The following UBE4B variants were observed in gnomAD, a reference collection of about 807,000 sequenced individuals.
The protein encoded by UBE4B is ubiquitin conjugation factor E4 B.
UBE4B carries 27 observed loss-of-function variants against 148.1 expected under a neutral mutation model. The observed-to-expected ratio is 0.18, with a 90% CI of 0.13 to 0.25. The LOEUF is 0.25. Among genes scored for constraint, UBE4B ranks in the 10% least tolerant of loss-of-function variants. The pLI is 1.00. For missense variants in UBE4B, 1,170 were observed against 1,662.4 expected, an observed-to-expected ratio of 0.70 and a Z score of 5.15; for synonymous variants, 596 against 619.3, an observed-to-expected ratio of 0.96 and a Z score of 0.56.
chr1:10,111,685 G>A (rs1645224663), intron 7 of UBE4B, among the ~76,000 whole-genome samples: 1 of 152,092 alleles, frequency 6.6e-6, no homozygotes, highest in South Asian at 2.1e-4. Context: ...GGCCAGGCGC[G>A]GTGGCTCACA....
chr1:10,057,791 T>C lies in UBE4B; in HGVS notation c.25-14237T>C, dbSNP rs370515051. ...GTATTTTGCTAGTAATTGCTAGAAG[T>C]TGGCCTTTGTAAGTATTTTGTGCTT... On this transcript the variant is annotated intron_variant, in intron 1 of 27. Coordinates refer to ENST00000343090, the MANE Select transcript of UBE4B (RefSeq NM_001105562.3). 2.6e-5 allele frequency among the ~76,000 whole-genome samples: 4 copies of C among 151,870 alleles called. No homozygotes were observed. The East Asian group carries it at 5.8e-4, about 22-fold the overall frequency.
chr1:10,064,634 A>G (rs1644349686), intron 1 of UBE4B, among the ~76,000 whole-genome samples: 1 of 151,728 alleles, frequency 6.6e-6, no homozygotes, highest in Non-Finnish European at 1.5e-5. Flanking sequence ...TCTCTTTGTC[A>G]CTTCCTTTTC....
intron 2 of UBE4B, among the ~76,000 whole-genome samples, chr1:10,081,878 C>T (rs965287348): frequency 6.6e-6 from 1 of 152,250 alleles, no homozygotes; most frequent in East Asian, 1.9e-4. Context: ...CATGCCCATC[C>T]TAATTTTTAA....
intron 2 of UBE4B, among the ~76,000 whole-genome samples, chr1:10,081,123 C>T (rs1644672615): frequency 6.6e-6 from 1 of 152,134 alleles, no homozygotes; most frequent in Non-Finnish European, 1.5e-5. Context: ...CATACAATGG[C>T]ACGATCTTGG....
In UBE4B at chr1:10,105,632, G is replaced by A; in HGVS notation, c.697G>A (p.Ala233Thr). The A allele has an allele frequency of 6.2e-7, 1 of 1,614,190 alleles. No individual in the cohort carries two copies. Among genetic ancestry groups the A allele is most frequent in the Non-Finnish European group, 8.5e-7 (1 of 1,180,046 alleles). ...ASLTATSQPI[A>T]AAARSPDRNL... ...TCTGACAGCCACATCACAGCCAATTGCTGCAGCAGCACGGTCACCAGACAG... is the reference window on the plus strand; with the variant it reads ...TCTGACAGCCACATCACAGCCAATTACTGCAGCAGCACGGTCACCAGACAG... Residue 233 changes from alanine to threonine, a missense_variant, in exon 6 of 28, where the codon GCT becomes ACT. By Grantham distance (58) the Ala-to-Thr change is moderately conservative (BLOSUM62 0). Around this residue, in one of 6 missense-constraint regions of UBE4B, gnomAD observed 214 missense variants for 209.1 expected, o/e 1.02. Transcript: ENST00000343090.
At chr1:10,143,083 A>C (rs1645809634) in intron 17 of UBE4B, among the ~76,000 whole-genome samples, 1 of 152,128 alleles carries the variant, frequency 6.6e-6, no homozygotes, top group Non-Finnish European at 1.5e-5. Context: ...ACTCCAGGGC[A>C]ACAGAGTGAG....
At chr1:10,034,390 T>C (rs1487787677) in intron 1 of UBE4B, among the ~76,000 whole-genome samples, 1 of 152,168 alleles carries the variant, frequency 6.6e-6, no homozygotes, top group African/African-American at 2.4e-5. Flanking sequence ...AATGACTTTC[T>C]AAACTCTCTC....
intron 15 of UBE4B, among the ~76,000 whole-genome samples, chr1:10,134,778 TC>T (rs1045295043): frequency 5.3e-5 from 8 of 152,094 alleles, no homozygotes; most frequent in Middle Eastern, 3.4e-3. Flanking sequence ...ACACCTGTAA[TC>T]CCAGCACTTT....
chr1:10,093,026 G>C (rs1275942782), intron 2 of UBE4B, among the ~76,000 whole-genome samples: 2 of 152,092 alleles, frequency 1.3e-5, no homozygotes, highest in Non-Finnish European at 2.9e-5. Flanking sequence ...TACAAATGCA[G>C]TATGTTACAC....
At chr1:10,134,639 GAT>G (rs780680366) in intron 15 of UBE4B, among the ~76,000 whole-genome samples, 16 of 152,198 alleles carry the variant, frequency 1.1e-4, no homozygotes, top group Non-Finnish European at 2.1e-4. Context: ...GTGGTGATGA[GAT>G]ATATGTCTTC....
intron 23 of UBE4B, among the ~76,000 whole-genome samples, chr1:10,165,571 T>C (rs1040978668): frequency 1.2e-4 from 19 of 152,270 alleles, no homozygotes; most frequent in African/African-American, 4.6e-4. Context: ...CAGGAGGACC[T>C]GGCCCCACAA....
chr1:10,133,214 A>G (rs906026234), intron 15 of UBE4B, among the ~76,000 whole-genome samples: 1 of 152,156 alleles, frequency 6.6e-6, no homozygotes, highest in Non-Finnish European at 1.5e-5. Context: ...GTAATAAATA[A>G]TGAATGAATG....
At chr1:10,158,696 T>C (rs181951298) in intron 22 of UBE4B, among the ~76,000 whole-genome samples, 1 of 152,236 alleles carries the variant, frequency 6.6e-6, no homozygotes, top group East Asian at 1.9e-4. Context: ...CAAGATACTT[T>C]GGGGGTGGTA....
At chr1:10,113,484 A>G (rs1387892509) in intron 7 of UBE4B, among the ~76,000 whole-genome samples, 1 of 152,222 alleles carries the variant, frequency 6.6e-6, no homozygotes, top group Non-Finnish European at 1.5e-5. Flanking sequence ...CTTTCCTTGC[A>G]TTGCCTGGCA....
At chr1:10,087,492 T>TTG (rs1644783864) in intron 2 of UBE4B, among the ~76,000 whole-genome samples, 1 of 152,220 alleles carries the variant, frequency 6.6e-6, no homozygotes, top group African/African-American at 2.4e-5. Context: ...TCTACAACAG[T>TTG]ATCTCAGTTC....
rs1644493986 is a variant in UBE4B at position 10,071,987 on chromosome 1, G to T, written c.25-41G>T. On this transcript the variant is annotated intron_variant, in intron 1 of 27. Transcript: ENST00000343090. ...CATTCTCTGGCAGAATTGTGTTTCT[G>T]CTGATTAGTTATAGAATGCCCTTTT... The T allele has an allele frequency of 9.3e-6, 14 of 1,511,224 alleles. No homozygotes were observed. The highest frequency in any genetic ancestry group is 1.4e-5 in the African/African-American group (1 of 70,268). The allele number at this position is 1,511,224 out of a possible 1,614,324, so 93.6% of individuals were successfully genotyped here.
At chr1:10,179,626 A>C in intron 27 of UBE4B, 64 bp downstream of exon 27, 1 of 1,593,312 alleles carries the variant, frequency 6.3e-7, no homozygotes, top group Non-Finnish European at 8.5e-7. Context: ...AGCCCAAGTC[A>C]CATATTGGAG....
At chr1:10,157,300 C>T (rs993565798) in intron 21 of UBE4B, among the ~76,000 whole-genome samples, 10 of 151,850 alleles carry the variant, frequency 6.6e-5, no homozygotes, top group Admixed American at 5.9e-4. Flanking sequence ...GGATTATAGG[C>T]GAGAGCCACC....
chr1:10,034,398 C>A (rs1433285761), intron 1 of UBE4B, among the ~76,000 whole-genome samples: 1 of 152,020 alleles, frequency 6.6e-6, no homozygotes, highest in Non-Finnish European at 1.5e-5. Flanking sequence ...TCTAAACTCT[C>A]TCCTGTTCTC....
Sources: allele counts gnomAD v4.1 joint callset (sites outside exome capture counted in the v4.1 genomes callset), GRCh38; gene constraint gnomAD v4.1.1; regional missense constraint gnomAD v4.1.1; transcripts MANE v1.5; gene names NCBI Gene and HGNC (gene_info 2026-07-23, HGNC 2026-07-21).